Variants in CLK2 observed in about 807,000 individuals in gnomAD.
CLK2 encodes the protein dual specificity protein kinase CLK2.
Under a neutral mutation model 73.5 loss-of-function variants are expected in CLK2, and 12 were observed. The ratio of observed to expected loss-of-function variants is 0.16; its 90% CI spans 0.10 to 0.26. The LOEUF (loss-of-function observed/expected upper bound fraction) is 0.26, where lower values mean the gene tolerates loss of function less well. CLK2 is among the 10% of genes least tolerant of loss of function. The probability of loss-of-function intolerance (pLI) is 1.00; values close to 1 mark genes in which losing one functional copy is unlikely to be tolerated. For missense variants in CLK2, 509 were observed against 688.4 expected (o/e 0.74, Z 2.92); for synonymous variants, 232 against 237.9 (o/e 0.98, Z 0.23).
intron 12 of CLK2, 96 bp from the exon 13 acceptor site, chr1:155,263,496 T>C: frequency 6.6e-7 from 1 of 1,508,366 alleles, no homozygotes; most frequent in African/African-American, 1.4e-5. Context: ...ACCAAGGCTC[T>C]GCTTGCAACC....
At chr1:155,271,901 C>T (rs977754137) in intron 1 of CLK2, among the ~76,000 whole-genome samples, 6 of 152,152 alleles carry the variant, frequency 3.9e-5, no homozygotes, top group African/African-American at 1.4e-4. Context: ...TCTCTCACAT[C>T]TTTGGCCAAC....
intron 1 of CLK2, among the ~76,000 whole-genome samples, chr1:155,272,298 G>A (rs1673551440): frequency 6.6e-6 from 1 of 152,184 alleles, no homozygotes. Flanking sequence ...TTACAGATGT[G>A]AGCCACCGCG....
rs1378326764 is a variant in CLK2, at chr1:155,263,406, G to T, written c.1318-6C>A. On this transcript the variant is annotated splice_polypyrimidine_tract_variant and splice_region_variant and intron_variant, in intron 12 of 12. Coordinates refer to ENST00000368361, the MANE Select transcript of CLK2 (RefSeq NM_001294338.2). ...GCCTCTGAGGTCAGATACCGCTGGTGGAGGAGGGCAGGAAAAAGGTGAGGC... is the reference window on the plus strand; with the variant it reads ...GCCTCTGAGGTCAGATACCGCTGGTTGAGGAGGGCAGGAAAAAGGTGAGGC... 1 of 1,613,742 alleles carries T rather than the reference G, an allele frequency of 6.2e-7. No homozygotes were observed. The highest frequency in any genetic ancestry group is 8.5e-7 in the Non-Finnish European group (1 of 1,179,986).
Position 155,265,850 on chromosome 1 carries a change from T to G in CLK2, c.933+10A>C. 1 of 1,576,164 alleles carries G rather than the reference T, an allele frequency of 6.3e-7. No homozygotes were observed. Among genetic ancestry groups the G allele is most frequent in the Non-Finnish European group, 8.7e-7 (1 of 1,145,336 alleles). ...CCCCAGTAACCAAGGGCAGACCCTATCCATCTTACCTTCTCTAGGTTGTAG... is the reference window on the plus strand; with the variant it reads ...CCCCAGTAACCAAGGGCAGACCCTAGCCATCTTACCTTCTCTAGGTTGTAG... On this transcript the variant is annotated intron_variant, in intron 8 of 12. Coordinates refer to ENST00000368361, the MANE Select transcript of CLK2 (RefSeq NM_001294338.2).
At position 155,268,386 on chromosome 1, in the gene CLK2, G is replaced by C. The variant is rs767432956; in HGVS notation, c.488-27C>G. 6.3e-7 allele frequency: 1 copy of C among 1,595,564 alleles called. No individual in the cohort carries two copies. Among genetic ancestry groups the C allele is most frequent in the Admixed American group, 1.7e-5 (1 of 59,952 alleles). Reference sequence around the variant, plus strand: ...TGAAATGAAAGAGAGCAGGGTCGGGGAGAGGGAGGGAGAGAAGGTGGGGAA... The same window carrying C: ...TGAAATGAAAGAGAGCAGGGTCGGGCAGAGGGAGGGAGAGAAGGTGGGGAA... On this transcript the variant is annotated intron_variant, in intron 4 of 12. Coordinates refer to ENST00000368361, the MANE Select transcript of CLK2 (RefSeq NM_001294338.2). This position sits in a 1 kb window ranked among gnomAD's most constrained non-coding sequence, Gnocchi z 5.6.
At chr1:155,269,066 C>CGG in intron 3 of CLK2, 1 of 591,160 alleles carries the variant, frequency 1.7e-6, no homozygotes, top group Non-Finnish European at 3.0e-6. Context: ...GCCAATGTCA[C>CGG]CCACAACCCC....
In CLK2 at chr1:155,263,947, C is replaced by T. The variant is rs1363430933; in HGVS notation, c.1317+3G>A. On this transcript the variant is annotated splice_donor_region_variant and intron_variant, in intron 12 of 12. Coordinates refer to ENST00000368361, the MANE Select transcript of CLK2 (RefSeq NM_001294338.2). ...GGCACTATTTATCCCGAGCCCAGCT[C>T]ACCCGCAGCGGTTTGCAGTTCTCAC... The T allele has an allele frequency of 1.2e-6, 2 of 1,613,806 alleles. No homozygotes were observed. Among genetic ancestry groups the T allele is most frequent in the Non-Finnish European group, 1.7e-6 (2 of 1,179,830 alleles).
chr1:155,269,878 G>C (rs1248414596), intron 2 of CLK2, among the ~76,000 whole-genome samples, 162 bp from the exon 3 acceptor site: 1 of 152,172 alleles, frequency 6.6e-6, no homozygotes, highest in Admixed American at 6.6e-5. Flanking sequence ...AGAGAAGTGA[G>C]GTAACAAGCA....
At chr1:155,267,141 C>T (rs1220556238) in intron 6 of CLK2, among the ~76,000 whole-genome samples, 1 of 152,174 alleles carries the variant, frequency 6.6e-6, no homozygotes. Flanking sequence ...GTCACCCAGG[C>T]TGGAGTGCAG....
Position 155,268,478 on chromosome 1 carries a change from C to A in CLK2, c.488-119G>T. 1.2e-6 allele frequency: 1 copy of A among 844,494 alleles called. No homozygotes were observed. The highest frequency in any genetic ancestry group is 2.0e-5 in the Admixed American group (1 of 48,958). 52.3% of individuals were successfully genotyped at this position (844,494 alleles called of 1,614,324 possible). ...GGAGATGAAGGAAGGGGAACAGATA[C>A]AGATGGTCACAGGGGAAGAAAACCC... is the stretch of plus-strand genomic sequence containing the variant. On this transcript the variant is annotated intron_variant, in intron 4 of 12. Coordinates refer to ENST00000368361, the MANE Select transcript of CLK2 (RefSeq NM_001294338.2). This position sits in a 1 kb window ranked among gnomAD's most constrained non-coding sequence, Gnocchi z 5.6.
In CLK2 at chr1:155,262,931, T is replaced by C. The variant is rs1401797175; in HGVS notation, c.*287A>G. On this transcript the variant is annotated 3_prime_UTR_variant, in exon 13 of 13. Transcript: ENST00000368361. Reference sequence around the variant, plus strand: ...ACTGTACAAAATTCCTTATAAAACATGGGGTAGATGCCACCTGGTTACCTC... The same window carrying C: ...ACTGTACAAAATTCCTTATAAAACACGGGGTAGATGCCACCTGGTTACCTC... The C allele has an allele frequency of 2.8e-5, 10 of 359,352 alleles. No homozygotes were observed. The highest frequency in any genetic ancestry group is 4.2e-5 in the African/African-American group (2 of 47,924). 22.3% of individuals were successfully genotyped at this position (359,352 alleles called of 1,614,324 possible).
In CLK2 at chr1:155,266,808, G is replaced by A; in HGVS notation, c.759C>T (p.Phe253=). ...FELLGLSTFD[F]LKDNNYLPYP... ...AGGGCAGGTAGTTGTTGTCTTTGAG[G>A]AAATCGAAGGTGCTAAGGCCCAGAA... The change falls in exon 7 of 13, where the codon TTC becomes TTT. Residue 253 remains phenylalanine (F), a synonymous_variant. Transcript: ENST00000368361. 6.2e-7 allele frequency: 1 copy of A among 1,613,126 alleles called. No individual in the cohort carries two copies. The highest frequency in any genetic ancestry group is 1.7e-4 in the Middle Eastern group (1 of 6,058).
chr1:155,263,588 A>G (rs1673088770), intron 12 of CLK2, 188 bp from the exon 13 acceptor site: 2 of 985,188 alleles, frequency 2.0e-6, no homozygotes, highest in Admixed American at 1.2e-4. Context: ...CACTAGCACA[A>G]TTACTCCATA....
At chr1:155,271,357 C>G (rs1463944652) in intron 1 of CLK2, among the ~76,000 whole-genome samples, 1 of 152,336 alleles carries the variant, frequency 6.6e-6, no homozygotes, top group African/African-American at 2.4e-5. Context: ...TCCTGTGTAG[C>G]TGGGATTACA....
Position 155,270,931 on chromosome 1 carries a change from C to T in CLK2, c.47G>A (p.Gly16Glu). 3 of 1,614,152 alleles carry T rather than the reference C, an allele frequency of 1.9e-6. No homozygotes were observed. Among genetic ancestry groups the T allele is most frequent in the South Asian group, 1.1e-5 (1 of 91,080 alleles). Residue 16 changes from glycine to glutamate, a missense_variant, in exon 2 of 13, where the codon GGG (glycine) becomes GAG (glutamate). Coordinates refer to ENST00000368361, the MANE Select transcript of CLK2 (RefSeq NM_001294338.2). ...GCTCCGATAGTGTTCACGGTAACTC[C>T]CCCGGCTGCCTCGCTCTGAGGAGTG... is the stretch of plus-strand genomic sequence containing the variant. ...RYHSSERGSR[G>E]SYREHYRSRK...
rs369543890 is a variant in CLK2 at position 155,268,328 on chromosome 1, G to A, written c.519C>T (p.Thr173=). The change falls in exon 5 of 13, where the codon ACC becomes ACT. Residue 173 remains threonine, a synonymous_variant. Coordinates refer to ENST00000368361, the MANE Select transcript of CLK2 (RefSeq NM_001294338.2). The surrounding 1 kb of genome is among the most constrained non-coding windows in gnomAD (Gnocchi z 5.6). ...CAACACATTGTACAACTCGGCCGAAGGTCCCCTCTCCTAAGGTGCTAACGA... is the reference window on the plus strand; with the variant it reads ...CAACACATTGTACAACTCGGCCGAAAGTCCCCTCTCCTAAGGTGCTAACGA... The part of the protein sequence containing the change: ...YEIVSTLGEG[T]FGRVVQCVDH... The A allele has an allele frequency of 1.2e-6, 2 of 1,614,060 alleles. No individual in the cohort carries two copies. Among genetic ancestry groups the A allele is most frequent in the African/African-American group, 2.7e-5 (2 of 74,902 alleles).
chr1:155,267,120 C>T lies in CLK2; in HGVS notation c.672-225G>A, dbSNP rs147584188. Among the ~76,000 whole-genome samples the T allele has an allele frequency of 6.6e-5, 10 of 152,006 alleles. No homozygotes were observed. The East Asian group carries it at 1.9e-3, about 29-fold the overall frequency. On this transcript the variant is annotated intron_variant, in intron 6 of 12. Transcript: ENST00000368361. ...TTTTTCTTTTTTGTTTTTGAGATGGCGTCTCACTCTGTCACCCAGGCTGGA... is the reference window on the plus strand; with the variant it reads ...TTTTTCTTTTTTGTTTTTGAGATGGTGTCTCACTCTGTCACCCAGGCTGGA...
intron 8 of CLK2, 136 bp from the exon 9 acceptor site, chr1:155,264,910 T>C (rs773771613): frequency 2.5e-5 from 25 of 986,994 alleles, no homozygotes; most frequent in Non-Finnish European, 3.7e-5. Flanking sequence ...GAAATTCCTG[T>C]TTTACAGCTT....
chr1:155,266,923 T>C (rs2148136846), intron 6 of CLK2, 28 bp from the exon 7 acceptor site: 1 of 1,609,622 alleles, frequency 6.2e-7, no homozygotes, highest in East Asian at 2.2e-5. Context: ...GGAAGGGGGG[T>C]TGTCTGATGA....
Sources: allele counts gnomAD v4.1 joint callset (sites outside exome capture counted in the v4.1 genomes callset), GRCh38; gene constraint gnomAD v4.1.1; non-coding constraint Gnocchi (gnomAD v3.1); transcripts MANE v1.5; gene names NCBI Gene and HGNC (gene_info 2026-07-23, HGNC 2026-07-21).